Variants in CYFIP2 observed in about 807,000 individuals in gnomAD.
CYFIP2 encodes cytoplasmic FMR1 interacting protein 2, also known as cytoplasmic FMR1-interacting protein 2.
In CYFIP2, 29 loss-of-function variants were observed where a neutral mutation model predicts 158.7. The observed-to-expected ratio is 0.18, with a 90% confidence interval of 0.14 to 0.25. The LOEUF (loss-of-function observed/expected upper bound fraction) is 0.25. Ranked by LOEUF, CYFIP2 falls within the 10% of genes least tolerant of loss-of-function variation. CYFIP2 has a pLI of 1.00. For synonymous variants in CYFIP2, 585 were observed against 617.6 expected, an observed-to-expected ratio of 0.95 and a Z score of 0.78; for missense variants, 852 against 1,639.5, an observed-to-expected ratio of 0.52 and a Z score of 8.29.
chr5:157,295,944 G>T (rs1054903778), intron 4 of CYFIP2, among the ~76,000 whole-genome samples: 2 of 152,224 alleles, frequency 1.3e-5, no homozygotes, highest in Admixed American at 6.5e-5. Context: ...GCCTGGGTAG[G>T]TCTAGGGGAG....
In CYFIP2 at chr5:157,383,310, A is replaced by G. The variant is rs1186884501; in HGVS notation, c.3158A>G (p.Tyr1053Cys). The change falls in exon 28 of 31, where the codon TAT (tyrosine) becomes TGT (cysteine). Residue 1053 changes from tyrosine to cysteine, a missense_variant. This residue lies in a region of CYFIP2 where 223 missense variants were observed against 381.6 expected (regional missense o/e 0.58). Coordinates refer to ENST00000620254, the MANE Select transcript of CYFIP2 (RefSeq NM_001037333.3). The part of the protein sequence containing the change: ...EVRMKRLEAK[Y>C]APLHLVPLIE... The stretch of plus-strand genomic sequence containing the variant: ...CGGATGAAACGTCTGGAAGCCAAGT[A>G]TGCCCCGCTCCACCTGGTCCCTCTG... The G allele has an allele frequency of 3.7e-6, 6 of 1,613,950 alleles. No homozygotes were observed. The highest frequency in any genetic ancestry group is 5.1e-6 in the Non-Finnish European group (6 of 1,179,890).
Position 157,305,691 on chromosome 5 carries a change from T to C in CYFIP2, c.795+1325T>C, listed in dbSNP as rs187969482. Reference sequence around the variant, plus strand: ...ACACTCAGCTATTTTTTTAAAAAATTTTTTGTAGAGTCAAGGTCTTCCTAT... The same window carrying C: ...ACACTCAGCTATTTTTTTAAAAAATCTTTTGTAGAGTCAAGGTCTTCCTAT... On this transcript the variant is annotated intron_variant, in intron 8 of 30. Transcript: ENST00000620254. Among the ~76,000 whole-genome samples the C allele has an allele frequency of 2.1e-3, 323 of 152,206 alleles. 1 individual carries two copies. Among genetic ancestry groups the C allele is most frequent in the African/African-American group, 7.1e-3 (296 of 41,516 alleles).
chr5:157,315,244 T>C, intron 13 of CYFIP2, 150 bp downstream of exon 13: 5 of 1,128,548 alleles, frequency 4.4e-6, no homozygotes, highest in Non-Finnish European at 5.9e-6. Context: ...TCAGAAGTTA[T>C]TCTGCTACTC....
intron 26 of CYFIP2, chr5:157,376,796 C>T (rs962089008): frequency 1.2e-5 from 5 of 433,452 alleles, no homozygotes; most frequent in African/African-American, 1.0e-4. Flanking sequence ...GGTCAGCCTC[C>T]ATCCCATGCT....
intron 15 of CYFIP2, among the ~76,000 whole-genome samples, chr5:157,322,170 C>T (rs1335858949): frequency 1.3e-5 from 2 of 152,138 alleles, no homozygotes; most frequent in East Asian, 1.9e-4. Flanking sequence ...GAGCTGGGAG[C>T]GCTATTAGAG....
At position 157,383,338 on chromosome 5, in the gene CYFIP2, C is replaced by G. The variant is rs747475869; in HGVS notation, c.3186C>G (p.Ile1062Met). The part of the protein sequence containing the change: ...KYAPLHLVPL[I>M]ERLGTPQQIA... ...CCCCGCTCCACCTGGTCCCTCTGAT[C>G]GAGCGGCTGGGGACCCCTCAGGTAC... The change falls in exon 28 of 31, where the codon ATC becomes ATG. Residue 1062 changes from isoleucine (I) to methionine (M), a missense_variant. Physicochemically the swap from Ile to Met is conservative, Grantham distance 10. Transcript: ENST00000620254. The G allele has an allele frequency of 1.1e-5, 17 of 1,613,704 alleles. No homozygotes were observed. Among genetic ancestry groups the G allele is most frequent in the Middle Eastern group, 1.6e-4 (1 of 6,084 alleles).
At chr5:157,377,855 C>T (rs542056317) in intron 26 of CYFIP2, among the ~76,000 whole-genome samples, 1 of 152,352 alleles carries the variant, frequency 6.6e-6, no homozygotes, top group South Asian at 2.1e-4. Context: ...AGAAGATTCT[C>T]AATCAATGTT....
intron 1 of CYFIP2, among the ~76,000 whole-genome samples, chr5:157,282,956 A>AG (rs1426650101): frequency 2.6e-5 from 4 of 152,246 alleles, no homozygotes; most frequent in African/African-American, 9.6e-5. Context: ...TGGCACAAGC[A>AG]GGGCCAAGAA....
chr5:157,355,618 G>T (rs1260749295), intron 23 of CYFIP2, among the ~76,000 whole-genome samples: 2 of 152,182 alleles, frequency 1.3e-5, no homozygotes, highest in Non-Finnish European at 2.9e-5. Flanking sequence ...ACTCAGACAA[G>T]CTAGAAAAGA....
chr5:157,376,986 C>G lies in CYFIP2; in HGVS notation c.3040-5604C>G, dbSNP rs59909702. 2,282 of 434,244 alleles carry G rather than the reference C, an allele frequency of 5.3e-3. 49 individuals are homozygous for G. The highest frequency in any genetic ancestry group is 0.043 in the African/African-American group (2,109 of 49,458). The allele number at this position is 434,244 out of a possible 1,614,324, so 26.9% of individuals were successfully genotyped here. Reference sequence around the variant, plus strand: ...TCTCTGACTCCATAAACGGTACCAACGTCATACAGGTGCCCTGGGCAGGGG... The same window carrying G: ...TCTCTGACTCCATAAACGGTACCAAGGTCATACAGGTGCCCTGGGCAGGGG... On this transcript the variant is annotated intron_variant, in intron 26 of 30. Coordinates refer to ENST00000620254, the MANE Select transcript of CYFIP2 (RefSeq NM_001037333.3).
rs575505177 is a variant in CYFIP2, at chr5:157,283,867, CT to C, written c.-23-1471del. ...CTTGTGTTGATGGTCCTTTTCCCCC[CT>C]AATGTTAGACACTGTATTTCCTAAC... On this transcript the variant is annotated intron_variant, in intron 1 of 30. Coordinates refer to ENST00000620254, the MANE Select transcript of CYFIP2 (RefSeq NM_001037333.3). Among the ~76,000 whole-genome samples the C allele has an allele frequency of 9.2e-5, 14 of 152,196 alleles. No homozygotes were observed. In the South Asian group the frequency reaches 1.0e-3, roughly 11 times the overall value.
intron 1 of CYFIP2, among the ~76,000 whole-genome samples, chr5:157,279,746 AT>A (rs1193426259): frequency 2.6e-5 from 4 of 152,336 alleles, no homozygotes; most frequent in Admixed American, 2.6e-4. Context: ...TAACTTTTAA[AT>A]ATTTTATTAA....
chr5:157,314,825 C>T (rs1760012915), intron 12 of CYFIP2, 144 bp from the exon 13 acceptor site: 12 of 710,090 alleles, frequency 1.7e-5, no homozygotes, highest in Non-Finnish European at 2.1e-5. Context: ...CTTTTGCATA[C>T]TTACAAGGTT....
rs995130669 is a variant in CYFIP2, at chr5:157,381,396, G to A, written c.3040-1194G>A. On this transcript the variant is annotated intron_variant, in intron 26 of 30. Coordinates refer to ENST00000620254, the MANE Select transcript of CYFIP2 (RefSeq NM_001037333.3). ...AAAAAAATTAGCCAGGCATGATGGC[G>A]AGCGCCTGTAGTCTCAGCTACTCAG... Among the ~76,000 whole-genome samples, 6 of 151,678 alleles carry A rather than the reference G, an allele frequency of 4.0e-5. No homozygotes were observed. The South Asian group carries it at 1.0e-3, about 26-fold the overall frequency.
rs755823099 is a variant in CYFIP2 at position 157,325,510 on chromosome 5, C to G, written c.1854C>G (p.Ser618=). 1.2e-6 allele frequency: 2 copies of G among 1,613,278 alleles called. No homozygotes were observed. The highest frequency in any genetic ancestry group is 1.3e-5 in the African/African-American group (1 of 74,922). The change falls in exon 17 of 31, where the codon TCC becomes TCG. Residue 618 remains serine, a synonymous_variant. Transcript: ENST00000620254. ...SEALQQCCDL[S]QLWFREFFLE... Reference sequence around the variant, plus strand: ...CCCTGCAGCAGTGTTGTGACCTCTCCCAGCTCTGGTTCCGAGAATTCTTCC... The same window carrying G: ...CCCTGCAGCAGTGTTGTGACCTCTCGCAGCTCTGGTTCCGAGAATTCTTCC...
intron 23 of CYFIP2, among the ~76,000 whole-genome samples, chr5:157,354,142 A>G (rs553292066): frequency 6.6e-6 from 1 of 152,302 alleles, no homozygotes; most frequent in Admixed American, 6.5e-5. Flanking sequence ...TTTTTTAAGA[A>G]AATGCAGGTC....
chr5:157,309,669 A>G (rs1759541958), intron 9 of CYFIP2, 74 bp from the exon 10 acceptor site: 16 of 1,332,532 alleles, frequency 1.2e-5, no homozygotes, highest in Non-Finnish European at 1.6e-5. Flanking sequence ...TGCCTCCCAC[A>G]GTGGGGTGGC....
chr5:157,353,953 T>G (rs1320243034), intron 23 of CYFIP2, among the ~76,000 whole-genome samples: 1 of 152,206 alleles, frequency 6.6e-6, no homozygotes, highest in Non-Finnish European at 1.5e-5. Flanking sequence ...TAGAGGCCTA[T>G]CTCAACGGAT....
chr5:157,356,783 C>T (rs1366055406), intron 23 of CYFIP2, among the ~76,000 whole-genome samples: 1 of 152,218 alleles, frequency 6.6e-6, no homozygotes, highest in Non-Finnish European at 1.5e-5. Context: ...GTCACCTCAA[C>T]CTAGTAGTCC....
Sources: gnomAD v4.1 joint callset for allele counts (sites outside exome capture counted in the v4.1 genomes callset) on GRCh38, gnomAD v4.1.1 for gene constraint, gnomAD v4.1.1 regional missense constraint, MANE v1.5 for transcripts, NCBI Gene and HGNC (gene_info 2026-07-23, HGNC 2026-07-21) for gene names.